The following PTPRU variants were observed in gnomAD, a reference collection of about 807,000 sequenced individuals.
PTPRU encodes protein tyrosine phosphatase receptor type U.
Under a neutral mutation model 166.3 loss-of-function variants are expected in PTPRU, and 69 were observed. That is an observed-to-expected ratio of 0.41 (90% CI 0.34 to 0.51). The LOEUF is 0.51. PTPRU is among the 20% of genes least tolerant of loss of function. The pLI, the probability that PTPRU is intolerant of heterozygous loss-of-function variation, is 0.09. For synonymous variants in PTPRU, 793 were observed against 814.0 expected, an observed-to-expected ratio of 0.97 and a Z score of 0.44; for missense variants, 1,657 against 2,013.7, an observed-to-expected ratio of 0.82 and a Z score of 3.39.
At chr1:29,276,679 T>C (rs539426806) in intron 8 of PTPRU, among the ~76,000 whole-genome samples, 172 of 152,240 alleles carry the variant, frequency 1.1e-3, no homozygotes, top group Middle Eastern at 3.2e-3. Flanking sequence ...TCTTTTTCAT[T>C]TCTGATATTG....
At chr1:29,267,946 TA>T (rs1365673031) in intron 7 of PTPRU, among the ~76,000 whole-genome samples, 1 of 152,132 alleles carries the variant, frequency 6.6e-6, no homozygotes, top group East Asian at 1.9e-4. Flanking sequence ...GGGTTTATTT[TA>T]AAGGCAGAGC....
At chr1:29,270,454 G>T (rs866933096) in intron 7 of PTPRU, among the ~76,000 whole-genome samples, 30 of 152,104 alleles carry the variant, frequency 2.0e-4, no homozygotes, top group African/African-American at 6.5e-4. Context: ...CTACAGGCGC[G>T]CACCACCATG....
rs34816026 is a variant in PTPRU at position 29,287,593 on chromosome 1, G to GTTT, written c.2318+2742_2318+2744dup. 7.0e-4 allele frequency among the ~76,000 whole-genome samples: 91 copies of GTTT among 129,898 alleles called. 1 individual carries two copies. Among genetic ancestry groups the GTTT allele is most frequent in the African/African-American group, 2.3e-3 (82 of 35,254 alleles). 85.2% of individuals were successfully genotyped at this position (129,898 alleles called of 152,430 possible). ...ATTATTAACCTCACTGTGTATGTAT[G>GTTT]TTTTTTTTTTTTTTTTTTTTAAATG... On this transcript the variant is annotated intron_variant, in intron 14 of 29. Coordinates refer to ENST00000373779, the MANE Select transcript of PTPRU (RefSeq NM_133178.4).
chr1:29,247,969 C>T (rs1233921621), intron 1 of PTPRU, among the ~76,000 whole-genome samples: 2 of 152,164 alleles, frequency 1.3e-5, no homozygotes, highest in Non-Finnish European at 2.9e-5. Flanking sequence ...GCATACTGCT[C>T]CCAGCCCTGA....
chr1:29,304,030 C>G lies in PTPRU; in HGVS notation c.2652C>G (p.Phe884Leu). 1 of 1,609,042 alleles carries G rather than the reference C, an allele frequency of 6.2e-7. No homozygotes were observed. Among genetic ancestry groups the G allele is most frequent in the Non-Finnish European group, 8.5e-7 (1 of 1,177,254 alleles). ...NQMKTAEGYG[F>L]KQEYESFFEG... Reference sequence around the variant, plus strand: ...TGAAGACGGCCGAGGGTTACGGCTTCAAGCAGGAGTATGAGGTGCACGCCG... The same window carrying G: ...TGAAGACGGCCGAGGGTTACGGCTTGAAGCAGGAGTATGAGGTGCACGCCG... The change falls in exon 16 of 30, where the codon TTC becomes TTG. Residue 884 changes from phenylalanine (F) to leucine (L), a missense_variant. By Grantham distance (22) the Phe-to-Leu change is conservative (BLOSUM62 0). Transcript: ENST00000373779.
At chr1:29,297,353 C>A (rs1380991709) in intron 15 of PTPRU, among the ~76,000 whole-genome samples, 1 of 152,194 alleles carries the variant, frequency 6.6e-6, no homozygotes, top group Admixed American at 6.5e-5. Context: ...CCGCACCTGC[C>A]TGCTTAGTAG....
chr1:29,314,534 A>G (rs1687810337), intron 22 of PTPRU, among the ~76,000 whole-genome samples: 1 of 152,170 alleles, frequency 6.6e-6, no homozygotes, highest in Admixed American at 6.5e-5. Context: ...GGAGACAGCC[A>G]CATAAACAAT....
chr1:29,266,010 GTTTTTTTTTTTTT>G (rs34163524), intron 7 of PTPRU, among the ~76,000 whole-genome samples: 3 of 79,198 alleles, frequency 3.8e-5, no homozygotes, highest in South Asian at 5.4e-4. Flanking sequence ...TTTCTCCTGG[GTTTTTTTTTTTTT>G]TTTTTTTTTT....
At chr1:29,296,696 A>AT (rs1686898344) in intron 15 of PTPRU, among the ~76,000 whole-genome samples, 2 of 122,096 alleles carry the variant, frequency 1.6e-5, no homozygotes, top group African/African-American at 3.0e-5. Flanking sequence ...TTTTTTTTGT[A>AT]TTTTTTGTAG....
chr1:29,275,751 A>G lies in PTPRU; in HGVS notation c.1448A>G (p.Glu483Gly), dbSNP rs1354103352. Reference protein sequence around the residue: ...EGKEVTFQTDEDVPSGIAAES... With the variant: ...EGKEVTFQTDGDVPSGIAAES... The stretch of plus-strand genomic sequence containing the variant: ...AAGGAGGTCACTTTCCAGACGGATG[A>G]GGATGGTAAGAGTCTCAGTCCCAAT... Residue 483 changes from glutamate (E) to glycine (G), a missense_variant, in exon 8 of 30, where the codon GAG becomes GGG. Glu to Gly is a moderately conservative substitution (Grantham distance 98, BLOSUM62 -2). Coordinates refer to ENST00000373779, the MANE Select transcript of PTPRU (RefSeq NM_133178.4). The G allele has an allele frequency of 6.2e-7, 1 of 1,613,476 alleles. No individual in the cohort carries two copies. The highest frequency in any genetic ancestry group is 8.5e-7 in the Non-Finnish European group (1 of 1,179,584).
Position 29,320,744 on chromosome 1 carries a change from C to T in PTPRU, c.3747C>T (p.Pro1249=), listed in dbSNP as rs761368413. ...TGCACCCGCTGCAGAGCACCACGCC[C>T]GACTTCTGGCGGCTGGTCTACGATT... ...VTLHPLQSTT[P]DFWRLVYDYG... The change falls in exon 26 of 30, where the codon CCC becomes CCT. Residue 1249 remains proline, a synonymous_variant. Transcript: ENST00000373779. This position sits in a 1 kb window ranked among gnomAD's most constrained non-coding sequence, Gnocchi z 5.2. The T allele has an allele frequency of 2.2e-5, 35 of 1,609,094 alleles. No homozygotes were observed. In the East Asian group the frequency reaches 2.9e-4, roughly 13 times the overall value.
At chr1:29,247,154 A>G (rs961016098) in intron 1 of PTPRU, among the ~76,000 whole-genome samples, 6 of 152,200 alleles carry the variant, frequency 3.9e-5, no homozygotes, top group Admixed American at 2.6e-4. Context: ...GAATGCATGA[A>G]GCTTGAACTA....
rs1342088124 is a variant in PTPRU, at chr1:29,311,969, A to C, written c.3072+210A>C. 2.0e-5 allele frequency among the ~76,000 whole-genome samples: 3 copies of C among 152,244 alleles called. No homozygotes were observed. The highest frequency in any genetic ancestry group is 4.4e-5 in the Non-Finnish European group (3 of 68,040). On this transcript the variant is annotated intron_variant, in intron 21 of 29. Coordinates refer to ENST00000373779, the MANE Select transcript of PTPRU (RefSeq NM_133178.4). This position sits in a 1 kb window ranked among gnomAD's most constrained non-coding sequence, Gnocchi z 4.1. ...TTGGTGCCCATAGGAGGAAGCTGAGACAATGAAGGGGGTGACAGTATCTGC... is the reference window on the plus strand; with the variant it reads ...TTGGTGCCCATAGGAGGAAGCTGAGCCAATGAAGGGGGTGACAGTATCTGC...
rs187402428 is a variant in PTPRU at position 29,263,045 on chromosome 1, C to T, written c.1144+2142C>T. ...CTGTCGCCAGGCTGGAGTGCAGTGG[C>T]GTGATCTCGGCTCACTGCAACCTCC... is the stretch of plus-strand genomic sequence containing the variant. On this transcript the variant is annotated intron_variant, in intron 7 of 29. Transcript: ENST00000373779. Among the ~76,000 whole-genome samples, 677 of 152,218 alleles carry T rather than the reference C, an allele frequency of 4.4e-3. 6 individuals are homozygous for T. Among genetic ancestry groups the T allele is most frequent in the South Asian group, 0.011 (55 of 4,814 alleles).
chr1:29,304,504 C>G (rs969549654), intron 16 of PTPRU, among the ~76,000 whole-genome samples: 2 of 152,198 alleles, frequency 1.3e-5, no homozygotes, highest in African/African-American at 4.8e-5. Context: ...TTATTCTAAG[C>G]CTGACCCTTA....
intron 12 of PTPRU, among the ~76,000 whole-genome samples, chr1:29,283,243 C>A: frequency 6.7e-6 from 1 of 150,098 alleles, no homozygotes; most frequent in Non-Finnish European, 1.5e-5. Flanking sequence ...AATAGCCTTA[C>A]CTCCCATAGA....
intron 11 of PTPRU, among the ~76,000 whole-genome samples, chr1:29,282,209 CTGAA>C (rs141805058): frequency 5.3e-5 from 8 of 152,250 alleles, no homozygotes; most frequent in South Asian, 2.1e-4. Flanking sequence ...TCATCTCTTT[CTGAA>C]TGAATGAATG....
At chr1:29,294,225 CA>C (rs1218904720) in intron 15 of PTPRU, among the ~76,000 whole-genome samples, 1 of 152,202 alleles carries the variant, frequency 6.6e-6, no homozygotes, top group Non-Finnish European at 1.5e-5. Context: ...TGCTCTACAT[CA>C]AGATCAAAAT....
rs927681714 is a variant in PTPRU, at chr1:29,315,759, C to T, written c.3364-243C>T. The stretch of plus-strand genomic sequence containing the variant: ...GATTGCATCCTCAGTGGATGTGTGA[C>T]CGTGAGCTGTCCCCCACCTCTCAGA... On this transcript the variant is annotated intron_variant, in intron 23 of 29. Coordinates refer to ENST00000373779, the MANE Select transcript of PTPRU (RefSeq NM_133178.4). This position sits in a 1 kb window ranked among gnomAD's most constrained non-coding sequence, Gnocchi z 4.5. 2.0e-5 allele frequency among the ~76,000 whole-genome samples: 3 copies of T among 152,114 alleles called. No individual in the cohort carries two copies. The highest frequency in any genetic ancestry group is 4.4e-5 in the Non-Finnish European group (3 of 68,010).
Sources: gnomAD v4.1 joint callset for allele counts (sites outside exome capture counted in the v4.1 genomes callset) on GRCh38, gnomAD v4.1.1 for gene constraint, Gnocchi (gnomAD v3.1) non-coding constraint, MANE v1.5 for transcripts, NCBI Gene and HGNC (gene_info 2026-07-23, HGNC 2026-07-21) for gene names.